AFTPH: variants seen among roughly 807,000 people sequenced by gnomAD.
AFTPH encodes aftiphilin protein.
AFTPH carries 7 observed loss-of-function variants against 72.5 expected under a neutral mutation model. The ratio of observed to expected loss-of-function variants is 0.10; its 90% CI spans 0.05 to 0.18. The LOEUF is 0.18. Among genes scored for constraint, AFTPH ranks in the 10% least tolerant of loss-of-function variants. AFTPH has a pLI of 1.00. For synonymous variants in AFTPH, 337 were observed against 370.1 expected (o/e 0.91, Z 1.03); for missense variants, 979 against 1,060.5 (o/e 0.92, Z 1.07).
chr2:64,586,494 T>TTC lies in AFTPH; in HGVS notation c.2579+957_2579+958dup, dbSNP rs546956614. Among the ~76,000 whole-genome samples, 2 of 152,362 alleles carry TTC rather than the reference T, an allele frequency of 1.3e-5. 1 individual carries two copies. The highest frequency in any genetic ancestry group is 4.1e-4 in the South Asian group (2 of 4,826). Reference sequence around the variant, plus strand: ...CTTTTTTATTGTGAATAATAAATGTTTCTCTCTCTTAACTTTAGCTTGAAT... The same window carrying TTC: ...CTTTTTTATTGTGAATAATAAATGTTTCTCTCTCTCTTAACTTTAGCTTGAAT... On this transcript the variant is annotated intron_variant, in intron 8 of 8. Coordinates refer to ENST00000238856, the Ensembl canonical transcript of AFTPH.
At chr2:64,578,694 A>T (rs187375187) in intron 6 of AFTPH, among the ~76,000 whole-genome samples, 644 of 151,330 alleles carry the variant, frequency 4.3e-3, no homozygotes, top group Non-Finnish European at 6.9e-3. Flanking sequence ...AGTAGCTGGG[A>T]TTACAGGCGT....
intron 8 of AFTPH, among the ~76,000 whole-genome samples, chr2:64,588,699 G>A (rs145851094): frequency 6.6e-6 from 1 of 152,032 alleles, no homozygotes; most frequent in Non-Finnish European, 1.5e-5. Context: ...TGTGTTTATC[G>A]ACTATTTGTA....
Position 64,589,525 on chromosome 2 carries a change from A to G in AFTPH, c.2580-2360A>G, listed in dbSNP as rs539151983. 2.0e-5 allele frequency among the ~76,000 whole-genome samples: 3 copies of G among 152,326 alleles called. No homozygotes were observed. The East Asian group carries it at 5.8e-4, about 29-fold the overall frequency. The stretch of plus-strand genomic sequence containing the variant: ...TCCTTAAGTGTTTGCTTCTTCCCAT[A>G]TTCTAAGAAGACTAGCTCACACCCA... On this transcript the variant is annotated intron_variant, in intron 8 of 8. Coordinates refer to ENST00000238856, the Ensembl canonical transcript of AFTPH.
chr2:64,528,821 G>A (rs1161336900), intron 1 of AFTPH, among the ~76,000 whole-genome samples: 1 of 152,204 alleles, frequency 6.6e-6, no homozygotes, highest in East Asian at 1.9e-4. Flanking sequence ...AAATTCTAAT[G>A]ACTTAGGCTT....
At chr2:64,561,578 A>G (rs951607768) in intron 2 of AFTPH, among the ~76,000 whole-genome samples, 1 of 152,170 alleles carries the variant, frequency 6.6e-6, no homozygotes, top group Non-Finnish European at 1.5e-5. Context: ...GCTACCCAGG[A>G]GGTTGTGACA....
chr2:64,526,818 G>A (rs1669298261), intron 1 of AFTPH, among the ~76,000 whole-genome samples: 1 of 152,104 alleles, frequency 6.6e-6, no homozygotes, highest in Non-Finnish European at 1.5e-5. Flanking sequence ...TTTTCTAAAT[G>A]CTTTATATAC....
At chr2:64,577,559 T>C (rs1672899311) in intron 6 of AFTPH, among the ~76,000 whole-genome samples, 1 of 152,238 alleles carries the variant, frequency 6.6e-6, no homozygotes, top group Non-Finnish European at 1.5e-5. Context: ...CGTTATTGTA[T>C]AAACCTAGAT....
At chr2:64,547,574 T>C (rs1051393255) in intron 1 of AFTPH, among the ~76,000 whole-genome samples, 13 of 152,316 alleles carry the variant, frequency 8.5e-5, no homozygotes, top group Middle Eastern at 3.4e-3. Flanking sequence ...TATGCAAATA[T>C]CCAGTTCCTC....
At chr2:64,569,949 A>G (rs1208462907) in intron 5 of AFTPH, among the ~76,000 whole-genome samples, 1 of 152,184 alleles carries the variant, frequency 6.6e-6, no homozygotes, top group Non-Finnish European at 1.5e-5. Flanking sequence ...GCACCTTTGG[A>G]GGATTCTTTT....
intron 1 of AFTPH, among the ~76,000 whole-genome samples, chr2:64,546,564 T>C (rs2103897418): frequency 6.6e-6 from 1 of 152,308 alleles, no homozygotes; most frequent in African/African-American, 2.4e-5. Context: ...TAAATCTCTT[T>C]GAATGCTTTT....
intron 6 of AFTPH, among the ~76,000 whole-genome samples, chr2:64,574,241 T>C (rs565695938): frequency 4.4e-4 from 67 of 152,338 alleles, no homozygotes; most frequent in African/African-American, 1.6e-3. Flanking sequence ...TTTAATTGTA[T>C]CTAACACAAA....
chr2:64,569,498 T>C (rs1433615293), intron 4 of AFTPH, 125 bp from the exon 5 acceptor site: 2 of 1,151,000 alleles, frequency 1.7e-6, no homozygotes, highest in Non-Finnish European at 2.5e-6. Flanking sequence ...GGGCAATTTT[T>C]AAGTTTCATC....
chr2:64,569,594 T>C, intron 4 of AFTPH, 29 bp from the exon 5 acceptor site: 4 of 1,607,660 alleles, frequency 2.5e-6, no homozygotes, highest in Admixed American at 1.7e-5. Context: ...TCTCTAAATA[T>C]ATGTTCTTTC....
chr2:64,551,012 GC>G (rs1671013571), intron 1 of AFTPH, among the ~76,000 whole-genome samples: 1 of 152,136 alleles, frequency 6.6e-6, no homozygotes, highest in African/African-American at 2.4e-5. Context: ...AAATTTTGAT[GC>G]CTTTATTAAT....
At chr2:64,529,407 T>C (rs1669470036) in intron 1 of AFTPH, among the ~76,000 whole-genome samples, 1 of 152,104 alleles carries the variant, frequency 6.6e-6, no homozygotes, top group Non-Finnish European at 1.5e-5. Context: ...GTGATGTTTA[T>C]ATTCTATCTT....
intron 1 of AFTPH, among the ~76,000 whole-genome samples, chr2:64,548,034 A>G (rs1572967954): frequency 6.8e-6 from 1 of 148,094 alleles, no homozygotes; most frequent in African/African-American, 2.5e-5. Context: ...CAAGTAATTC[A>G]CCCTCCTCAG....
At chr2:64,588,350 A>G (rs1055142843) in intron 8 of AFTPH, among the ~76,000 whole-genome samples, 13 of 152,300 alleles carry the variant, frequency 8.5e-5, no homozygotes, top group Middle Eastern at 3.4e-3. Context: ...TCAGTTGATA[A>G]TTGGGTTGTT....
At chr2:64,566,244 G>C (rs1220987254) in intron 2 of AFTPH, among the ~76,000 whole-genome samples, 67 of 151,510 alleles carry the variant, frequency 4.4e-4, no homozygotes, top group Admixed American at 4.4e-3. Context: ...CTTTACTTAG[G>C]GTTCATAATT....
intron 1 of AFTPH, among the ~76,000 whole-genome samples, chr2:64,527,590 AAAAG>A (rs1169531468): frequency 6.6e-5 from 10 of 151,924 alleles, no homozygotes; most frequent in Middle Eastern, 3.2e-3. Flanking sequence ...CAAAAAAAAA[AAAAG>A]AAATTAAAAG....
Sources: gnomAD v4.1 joint callset for allele counts (sites outside exome capture counted in the v4.1 genomes callset) on GRCh38, gnomAD v4.1.1 for gene constraint, MANE v1.5 for transcripts, NCBI Gene and HGNC (gene_info 2026-07-23, HGNC 2026-07-21) for gene names.